The following EIF3H variants were observed in gnomAD, a reference collection of about 807,000 sequenced individuals.
The protein encoded by EIF3H is eukaryotic translation initiation factor 3 subunit H.
EIF3H carries 26 observed loss-of-function variants against 44.2 expected under a neutral mutation model. The observed-to-expected ratio is 0.59, with a 90% confidence interval of 0.43 to 0.82. EIF3H has a LOEUF of 0.82. Among genes scored for constraint, EIF3H ranks in the 40% least tolerant of loss-of-function variants. The pLI, the probability that EIF3H is intolerant of heterozygous loss-of-function variation, is 0.00. For synonymous variants in EIF3H, 166 were observed against 151.9 expected (o/e 1.09, Z -0.68); for missense variants, 359 against 432.8 (o/e 0.83, Z 1.51).
rs974698398 is a variant in EIF3H at position 116,674,300 on chromosome 8, A to C, written c.290-15320T>G. On this transcript the variant is annotated intron_variant, in intron 2 of 7. Coordinates refer to ENST00000521861, the MANE Select transcript of EIF3H (RefSeq NM_003756.3). ...AATTTCATAGAGTTCAGGTGCAAAA[A>C]AAGAGGCCTGGGGGTGGAGGTGGGG... Among the ~76,000 whole-genome samples the C allele has an allele frequency of 4.0e-4, 20 of 50,458 alleles. No homozygotes were observed. The South Asian group carries it at 0.012, about 31-fold the overall frequency. 33.1% of individuals were successfully genotyped at this position (50,458 alleles called of 152,430 possible).
At chr8:116,650,692 G>A (rs1200292443) in intron 5 of EIF3H, among the ~76,000 whole-genome samples, 1 of 152,186 alleles carries the variant, frequency 6.6e-6, no homozygotes, top group Non-Finnish European at 1.5e-5. Context: ...TTGAGACAGA[G>A]TTTCACTCAT....
At chr8:116,714,815 G>T (rs1814635484) in intron 2 of EIF3H, among the ~76,000 whole-genome samples, 1 of 152,016 alleles carries the variant, frequency 6.6e-6, no homozygotes, top group African/African-American at 2.4e-5. Flanking sequence ...GTAAACACAT[G>T]TCTATTCACA....
intron 2 of EIF3H, among the ~76,000 whole-genome samples, chr8:116,677,928 A>C (rs1294288085): frequency 6.6e-6 from 1 of 152,256 alleles, no homozygotes; most frequent in Non-Finnish European, 1.5e-5. Context: ...ATTACCTAAC[A>C]GGTCTGATGA....
chr8:116,760,061 A>T (rs202041754), upstream of EIF3H, among the ~76,000 whole-genome samples: 2 of 152,280 alleles, frequency 1.3e-5, no homozygotes, highest in East Asian at 1.9e-4. Flanking sequence ...AACAAGAGGG[A>T]AATATATGCT....
intron 1 of EIF3H, among the ~76,000 whole-genome samples, chr8:116,743,805 C>T (rs199541147): frequency 0.046 from 3,012 of 66,112 alleles, 100 homozygotes; most frequent in African/African-American, 0.15. Flanking sequence ...TATAAACACA[C>T]ACACACACAC....
In EIF3H at chr8:116,755,666, A is replaced by G; in HGVS notation, c.132T>C (p.Leu44=). Residue 44 remains leucine (L), a splice_region_variant and synonymous_variant, in exon 1 of 8, where the codon CTT becomes CTC. Transcript: ENST00000521861. ...CCAGAGGAAAAAGAACAGCACTCACAAGGCCATCTATCTGCACTTGCTTCA... is the reference window on the plus strand; with the variant it reads ...CCAGAGGAAAAAGAACAGCACTCACGAGGCCATCTATCTGCACTTGCTTCA... ...SAVKQVQIDG[L]VVLKIIKHYQ... The G allele has an allele frequency of 6.2e-7, 1 of 1,614,098 alleles. No homozygotes were observed. Among genetic ancestry groups the G allele is most frequent in the Non-Finnish European group, 8.5e-7 (1 of 1,180,012 alleles).
At chr8:116,655,153 G>C (rs1448314377) in intron 5 of EIF3H, among the ~76,000 whole-genome samples, 1 of 151,828 alleles carries the variant, frequency 6.6e-6, no homozygotes, top group Admixed American at 6.6e-5. Context: ...TATACATGTG[G>C]CTCTATTCAC....
chr8:116,693,382 G>A (rs1368964707), intron 2 of EIF3H, among the ~76,000 whole-genome samples: 2 of 152,138 alleles, frequency 1.3e-5, no homozygotes, highest in African/African-American at 2.4e-5. Context: ...CAGAAATAAA[G>A]TTTCAATCAC....
At chr8:116,666,117 T>A (rs1340301010) in intron 2 of EIF3H, among the ~76,000 whole-genome samples, 1 of 152,192 alleles carries the variant, frequency 6.6e-6, no homozygotes, top group African/African-American at 2.4e-5. Context: ...CACTAATCTG[T>A]TGTATTGTAA....
intron 1 of EIF3H, among the ~76,000 whole-genome samples, chr8:116,752,748 AGAAAGAGG>A (rs1243292520): frequency 6.7e-4 from 70 of 104,440 alleles, no homozygotes; most frequent in African/African-American, 2.3e-3. Flanking sequence ...AAAGAAAGAA[AGAAAGAGG>A]GAGGGAGGGA....
intron 1 of EIF3H, among the ~76,000 whole-genome samples, chr8:116,732,889 C>T (rs574799712): frequency 2.6e-5 from 4 of 152,292 alleles, no homozygotes; most frequent in Admixed American, 1.3e-4. Context: ...TTCTTCAATT[C>T]GCCCAACACC....
At chr8:116,751,297 T>C (rs972353166) in intron 1 of EIF3H, among the ~76,000 whole-genome samples, 2 of 152,140 alleles carry the variant, frequency 1.3e-5, no homozygotes, top group Admixed American at 6.5e-5. Context: ...AATATTAAAA[T>C]AACCTGCATA....
At chr8:116,734,609 G>A (rs1394316613) in intron 1 of EIF3H, among the ~76,000 whole-genome samples, 1 of 152,214 alleles carries the variant, frequency 6.6e-6, no homozygotes, top group East Asian at 1.9e-4. Flanking sequence ...AGGCTGGAGT[G>A]CAGTGGCATG....
In EIF3H at chr8:116,755,787, C is replaced by T. The variant is rs1041183271; in HGVS notation, c.11G>A (p.Arg4His). 4 of 1,613,494 alleles carry T rather than the reference C, an allele frequency of 2.5e-6. No homozygotes were observed. Among genetic ancestry groups the T allele is most frequent in the African/African-American group, 2.7e-5 (2 of 74,914 alleles). Residue 4 changes from arginine (R) to histidine (H), a missense_variant, in exon 1 of 8, where the codon CGC (arginine) becomes CAC (histidine). Coordinates refer to ENST00000521861, the MANE Select transcript of EIF3H (RefSeq NM_003756.3). MAS[R>H]KEGTGSTATS... ...GGCAGTAGAGCCGGTACCTTCCTTG[C>T]GGGACGCCATCTTTCCAAGCAGACA... is the stretch of plus-strand genomic sequence containing the variant.
intron 2 of EIF3H, among the ~76,000 whole-genome samples, chr8:116,694,640 ATATC>A (rs1428769426): frequency 6.6e-6 from 1 of 152,238 alleles, no homozygotes; most frequent in African/African-American, 2.4e-5. Flanking sequence ...TAGAAAGGTC[ATATC>A]TAGTCTCACA....
At chr8:116,696,183 G>C (rs1814266184) in intron 2 of EIF3H, among the ~76,000 whole-genome samples, 1 of 152,160 alleles carries the variant, frequency 6.6e-6, no homozygotes. Flanking sequence ...AGATGGGACA[G>C]GGAAGGTACA....
chr8:116,688,233 T>C (rs1205541372), intron 2 of EIF3H, among the ~76,000 whole-genome samples: 2 of 152,106 alleles, frequency 1.3e-5, no homozygotes, highest in East Asian at 3.8e-4. Context: ...CACAGAATGT[T>C]GTCTTATCTC....
chr8:116,678,989 G>T (rs1454219540), intron 2 of EIF3H, among the ~76,000 whole-genome samples: 11 of 82,732 alleles, frequency 1.3e-4, no homozygotes, highest in Non-Finnish European at 3.0e-4. Flanking sequence ...CAGGAGGGAG[G>T]TGGGGGGGTC....
At chr8:116,711,952 C>A (rs1037148694) in intron 2 of EIF3H, among the ~76,000 whole-genome samples, 1 of 140,174 alleles carries the variant, frequency 7.1e-6, no homozygotes, top group African/African-American at 3.0e-5. Flanking sequence ...GCCAAAGTGC[C>A]CAGCACACAG....
Sources: gnomAD v4.1 joint callset for allele counts (sites outside exome capture counted in the v4.1 genomes callset) on GRCh38, gnomAD v4.1.1 for gene constraint, MANE v1.5 for transcripts, NCBI Gene and HGNC (gene_info 2026-07-23, HGNC 2026-07-21) for gene names.